The following RGS3 variants were observed in gnomAD, a reference collection of about 807,000 sequenced individuals.
RGS3 encodes the protein regulator of G protein signaling 3.
RGS3 carries 80 observed loss-of-function variants against 132.6 expected under a neutral mutation model. The observed-to-expected ratio is 0.60, with a 90% CI of 0.50 to 0.73. The LOEUF (loss-of-function observed/expected upper bound fraction) is 0.73, where lower values mean the gene tolerates loss of function less well. Among genes scored for constraint, RGS3 ranks in the 30% least tolerant of loss-of-function variants. The pLI is 0.00. For missense variants in RGS3, 1,382 were observed against 1,530.8 expected (o/e 0.90, Z 1.62); for synonymous variants, 598 against 620.6 (o/e 0.96, Z 0.54).
At chr9:113,570,199 A>G (rs1461050888) in intron 19 of RGS3, 1 of 152,220 alleles carries the variant, frequency 6.6e-6, no homozygotes, top group East Asian at 1.9e-4. Context: ...GTTTCATGTG[A>G]ATGGATTCTG....
intron 1 of RGS3, among the ~76,000 whole-genome samples, chr9:113,454,139 G>T (rs1369479402): frequency 3.3e-5 from 5 of 151,828 alleles, no homozygotes; most frequent in Non-Finnish European, 7.4e-5. Flanking sequence ...TTCTCGGTTG[G>T]TTTCTATTGA....
intron 19 of RGS3, among the ~76,000 whole-genome samples, chr9:113,574,179 TCA>T: frequency 6.6e-6 from 1 of 152,330 alleles, no homozygotes; most frequent in Admixed American, 6.5e-5. Context: ...ACCTCTAGCT[TCA>T]CCTTCCTTAC....
At chr9:113,499,142 G>T (rs766478740) in intron 10 of RGS3, among the ~76,000 whole-genome samples, 15 of 149,302 alleles carry the variant, frequency 1.0e-4, no homozygotes, top group Non-Finnish European at 3.0e-5. Flanking sequence ...CAGAAGAATC[G>T]CTTGAACCTG....
chr9:113,552,503 A>G (rs1346103268), intron 19 of RGS3, among the ~76,000 whole-genome samples: 1 of 152,080 alleles, frequency 6.6e-6, no homozygotes, highest in African/African-American at 2.4e-5. Flanking sequence ...TTTTTTTAGT[A>G]GAGACGGGGT....
chr9:113,525,792 T>C (rs755199057), intron 17 of RGS3, among the ~76,000 whole-genome samples: 1 of 152,196 alleles, frequency 6.6e-6, no homozygotes, highest in Non-Finnish European at 1.5e-5. Context: ...TCCCAGGGCC[T>C]AGCCTGGGGC....
chr9:113,516,128 G>A (rs1157339556), intron 15 of RGS3, among the ~76,000 whole-genome samples: 2 of 152,130 alleles, frequency 1.3e-5, no homozygotes, highest in Non-Finnish European at 2.9e-5. Context: ...TTGGCCCCAC[G>A]GGCTTCATTT....
intron 4 of RGS3, among the ~76,000 whole-genome samples, chr9:113,480,701 G>A (rs1483302384): frequency 1.3e-5 from 2 of 152,204 alleles, no homozygotes; most frequent in East Asian, 1.9e-4. Flanking sequence ...CACAGGGCTA[G>A]CAAGTGCAAA....
At chr9:113,577,430 A>G (rs1031924879) in intron 19 of RGS3, among the ~76,000 whole-genome samples, 2 of 152,200 alleles carry the variant, frequency 1.3e-5, no homozygotes, top group Non-Finnish European at 2.9e-5. Flanking sequence ...AGGATTGACC[A>G]TGGGGGTGGT....
intron 4 of RGS3, among the ~76,000 whole-genome samples, chr9:113,479,887 C>T (rs968924379): frequency 2.6e-5 from 4 of 152,218 alleles, no homozygotes; most frequent in Admixed American, 1.3e-4. Context: ...TTCTTCTTTT[C>T]TCTATTTTTC....
chr9:113,581,101 T>C (rs1219378883), intron 19 of RGS3: 2 of 586,858 alleles, frequency 3.4e-6, no homozygotes, highest in Non-Finnish European at 4.3e-6. Context: ...TGCAGGGCAG[T>C]TTGTTTCTCC....
In RGS3 at chr9:113,446,910, G is replaced by A. The variant is rs1397497443; in HGVS notation, c.-13+1983G>A. ...GCAGAAATATCAAAAGTGATCTGAGGCACTTATAATTCTTTGTATCCCCTA... is the reference window on the plus strand; with the variant it reads ...GCAGAAATATCAAAAGTGATCTGAGACACTTATAATTCTTTGTATCCCCTA... On this transcript the variant is annotated intron_variant, in intron 1 of 25. Coordinates refer to the RGS3 transcript ENST00000374140. Among the ~76,000 whole-genome samples, 3 of 152,120 alleles carry A rather than the reference G, an allele frequency of 2.0e-5. 1 individual carries two copies. The East Asian group carries it at 5.8e-4, about 29-fold the overall frequency.
chr9:113,539,499 G>T (rs935294680), intron 19 of RGS3, among the ~76,000 whole-genome samples: 1 of 152,092 alleles, frequency 6.6e-6, no homozygotes, highest in Non-Finnish European at 1.5e-5. Flanking sequence ...TAGTAGAGAT[G>T]GGGTTTCACC....
At chr9:113,502,871 G>T (rs147467660) in intron 10 of RGS3, among the ~76,000 whole-genome samples, 24 of 152,328 alleles carry the variant, frequency 1.6e-4, no homozygotes, top group African/African-American at 5.5e-4. Flanking sequence ...GCAAGTCACT[G>T]TTCCTCTCTG....
In RGS3 at chr9:113,447,329, G is replaced by GTATGTATATATATATATATA. The variant is rs1554751010; in HGVS notation, c.-13+2405_-13+2406insGTATATATATATATATATAT. ...CCAATAAATTCTGATGTATGTATAT[G>GTATGTATATATATATATATA]TATATATATATATATATATATATAT... On this transcript the variant is annotated intron_variant, in intron 1 of 25. Transcript: ENST00000374140. Among the ~76,000 whole-genome samples the GTATGTATATATATATATATA allele has an allele frequency of 2.2e-4, 6 of 27,554 alleles. 1 individual carries two copies. The Admixed American group carries it at 2.2e-3, about 10-fold the overall frequency. The allele number at this position is 27,554 out of a possible 152,430, so 18.1% of individuals were successfully genotyped here.
At chr9:113,556,074 C>G (rs942709601) in intron 19 of RGS3, among the ~76,000 whole-genome samples, 1 of 152,144 alleles carries the variant, frequency 6.6e-6, no homozygotes, top group Non-Finnish European at 1.5e-5. Context: ...CTAAGTGAAT[C>G]GTCCTTCTCT....
At chr9:113,548,116 A>G (rs1833189898) in intron 19 of RGS3, among the ~76,000 whole-genome samples, 1 of 152,224 alleles carries the variant, frequency 6.6e-6, no homozygotes, top group Admixed American at 6.5e-5. Flanking sequence ...GGAGCTGGAA[A>G]GCCTCCTCCT....
At chr9:113,500,845 G>A (rs940208519) in intron 10 of RGS3, among the ~76,000 whole-genome samples, 7 of 151,958 alleles carry the variant, frequency 4.6e-5, no homozygotes, top group African/African-American at 7.2e-5. Flanking sequence ...CTGCCACCAC[G>A]CCCAGCTAAT....
At position 113,498,070 on chromosome 9, in the gene RGS3, AG is replaced by A. The variant is rs780996762; in HGVS notation, c.888del (p.Lys297AsnfsTer2). 11 of 1,613,888 alleles carry A rather than the reference AG, an allele frequency of 6.8e-6. No individual in the cohort carries two copies. In the East Asian group the frequency reaches 1.8e-4, roughly 26 times the overall value. ...GGAGGTGGGGACACTGAGAATGGGAAGAAACTAAAGGTAGGTGGGGACAAGC... is the reference window on the plus strand; with the variant it reads ...GGAGGTGGGGACACTGAGAATGGGAAAAACTAAAGGTAGGTGGGGACAAGC... On this transcript the variant is annotated frameshift_variant, in exon 10 of 25. Transcript: ENST00000350696. LOFTEE classifies it high-confidence loss of function.
At chr9:113,469,551 G>GA (rs1829761663) in intron 3 of RGS3, among the ~76,000 whole-genome samples, 2 of 152,010 alleles carry the variant, frequency 1.3e-5, no homozygotes, top group South Asian at 4.1e-4. Context: ...TATACAGACA[G>GA]ACAGAAAAGT....
Sources: allele counts gnomAD v4.1 joint callset (sites outside exome capture counted in the v4.1 genomes callset), GRCh38; gene constraint gnomAD v4.1.1; transcripts MANE v1.5; gene names NCBI Gene and HGNC (gene_info 2026-07-23, HGNC 2026-07-21).